Variants in NUDCD2 observed in about 807,000 individuals in gnomAD.
NUDCD2 encodes nudC domain-containing protein 2.
NUDCD2 carries 16 observed loss-of-function variants against 20.8 expected under a neutral mutation model. The ratio of observed to expected loss-of-function variants is 0.77; its 90% confidence interval spans 0.52 to 1.17. NUDCD2 has a LOEUF of 1.17. NUDCD2 is among the 50% of genes most tolerant of loss of function. NUDCD2 has a pLI of 0.00. For missense variants in NUDCD2, 199 were observed against 193.9 expected (o/e 1.03, Z -0.16); for synonymous variants, 87 against 72.8 (o/e 1.20, Z -1.00).
chr5:163,458,596 A>G (rs1174682775), intron 1 of NUDCD2, among the ~76,000 whole-genome samples: 2 of 151,714 alleles, frequency 1.3e-5, no homozygotes, highest in African/African-American at 4.9e-5. Context: ...CAATAAATAT[A>G]TATTTTTTTT....
intron 1 of NUDCD2, 61 bp downstream of exon 1, chr5:163,459,801 G>A: frequency 4.1e-6 from 6 of 1,461,036 alleles, no homozygotes; most frequent in Admixed American, 2.1e-5. Flanking sequence ...GTCGTTCAGG[G>A]AAACGGGGCT....
chr5:163,454,765 T>C (rs1157382101), intron 3 of NUDCD2, among the ~76,000 whole-genome samples: 2 of 152,232 alleles, frequency 1.3e-5, no homozygotes, highest in Admixed American at 1.3e-4. Context: ...GTCTTTTTGG[T>C]GGGCTATTTC....
In NUDCD2 at chr5:163,453,940, A is replaced by C. The variant is rs1758239251; in HGVS notation, c.*27T>G. ...GATTAAGTTGGCAATATCTGCTAGG[A>C]TCCACAGAATGCAGGAAAAAAAGCA... On this transcript the variant is annotated 3_prime_UTR_variant, in exon 4 of 4. Coordinates refer to ENST00000302764, the MANE Select transcript of NUDCD2 (RefSeq NM_145266.6). The C allele has an allele frequency of 7.6e-7, 1 of 1,323,716 alleles. No individual in the cohort carries two copies. The highest frequency in any genetic ancestry group is 1.0e-6 in the Non-Finnish European group (1 of 957,506). 82.0% of individuals were successfully genotyped at this position (1,323,716 alleles called of 1,614,324 possible). A position where few individuals can be genotyped will look rare whatever the true frequency, so the allele number is the denominator to read the frequency against.
Position 163,453,645 on chromosome 5 carries a change from C to G in NUDCD2, c.*322G>C, listed in dbSNP as rs1364145681. On this transcript the variant is annotated 3_prime_UTR_variant, in exon 4 of 4. Transcript: ENST00000302764. ...AAAAGTTAATTTTCCCCAAAGGCAC[C>G]CTTCATTTCACATGATCTATACTCT... 1 of 174,494 alleles carries G rather than the reference C, an allele frequency of 5.7e-6. No individual in the cohort carries two copies. Among genetic ancestry groups the G allele is most frequent in the East Asian group, 1.4e-4 (1 of 6,900 alleles). 10.8% of individuals were successfully genotyped at this position (174,494 alleles called of 1,614,324 possible).
At position 163,447,350 on chromosome 5, in the gene NUDCD2, C is replaced by A. The variant is rs1758061447; in HGVS notation, c.*6617G>T. The A allele has an allele frequency of 6.6e-6, 1 of 151,244 alleles. No individual in the cohort carries two copies. Among genetic ancestry groups the A allele is most frequent in the Admixed American group, 6.6e-5 (1 of 15,152 alleles). 9.4% of individuals were successfully genotyped at this position (151,244 alleles called of 1,614,324 possible). A position where few individuals can be genotyped will look rare whatever the true frequency, so the allele number is the denominator to read the frequency against. ...TCTGTAGTCCTAGGTACTGAGGAGC[C>A]TGAGGTGGGAAGACTGTCTGAGCCC... On this transcript the variant is annotated 3_prime_UTR_variant, in exon 4 of 4. Coordinates refer to ENST00000302764, the MANE Select transcript of NUDCD2 (RefSeq NM_145266.6).
At position 163,451,346 on chromosome 5, in the gene NUDCD2, G is replaced by A. The variant is rs1041528412; in HGVS notation, c.*2621C>T. 7.2e-5 allele frequency: 11 copies of A among 152,162 alleles called. No homozygotes were observed. Among genetic ancestry groups the A allele is most frequent in the African/African-American group, 2.4e-4 (10 of 41,444 alleles). 9.4% of individuals were successfully genotyped at this position (152,162 alleles called of 1,614,324 possible). A position where few individuals can be genotyped will look rare whatever the true frequency, so the allele number is the denominator to read the frequency against. On this transcript the variant is annotated 3_prime_UTR_variant, in exon 4 of 4. Transcript: ENST00000302764. ...ACATGCTTGAAGACAAAAATATGGA[G>A]ATGGGGATTAGATCAGTGGTTTCCA... is the stretch of plus-strand genomic sequence containing the variant.
intron 1 of NUDCD2, chr5:163,459,033 T>C (rs545949480): frequency 4.6e-5 from 7 of 152,348 alleles, no homozygotes; most frequent in African/African-American, 1.7e-4. Flanking sequence ...GTGAATACCA[T>C]GTTAAGCTCA....
intron 2 of NUDCD2, 145 bp downstream of exon 2, chr5:163,457,417 G>A: frequency 1.6e-6 from 1 of 612,122 alleles, no homozygotes; most frequent in East Asian, 2.8e-5. Flanking sequence ...CCCCCACTAG[G>A]TAACTTTGAC....
intron 3 of NUDCD2, among the ~76,000 whole-genome samples, chr5:163,454,486 C>T (rs889042576): frequency 7.9e-5 from 12 of 152,108 alleles, no homozygotes; most frequent in African/African-American, 2.2e-4. Flanking sequence ...CGATTACAGG[C>T]ATGTACCACC....
rs970508553 is a variant in NUDCD2, at chr5:163,446,589, G to T, written c.*7378C>A. On this transcript the variant is annotated 3_prime_UTR_variant, in exon 4 of 4. Coordinates refer to ENST00000302764, the MANE Select transcript of NUDCD2 (RefSeq NM_145266.6). ...ACATTAACTTCTGTGCTGTCATCAT[G>T]ATCATAGAATAATAACAACACTCAA... 3 of 152,148 alleles carry T rather than the reference G, an allele frequency of 2.0e-5. No homozygotes were observed. The highest frequency in any genetic ancestry group is 6.5e-5 in the Admixed American group (1 of 15,278). 9.4% of individuals were successfully genotyped at this position (152,148 alleles called of 1,614,324 possible).
In NUDCD2 at chr5:163,449,972, A is replaced by G. The variant is rs1758137789; in HGVS notation, c.*3995T>C. 6.6e-6 allele frequency: 1 copy of G among 152,308 alleles called. No homozygotes were observed. The highest frequency in any genetic ancestry group is 1.5e-5 in the Non-Finnish European group (1 of 68,024). 9.4% of individuals were successfully genotyped at this position (152,308 alleles called of 1,614,324 possible). ...AAATTTTTAGAAGAAAAAAATCCAT[A>G]GGCCGGGCACGGTGGCTCATGCCTG... On this transcript the variant is annotated 3_prime_UTR_variant, in exon 4 of 4. Transcript: ENST00000302764.
Position 163,459,861 on chromosome 5 carries a change from C to T in NUDCD2, c.189+1G>A, listed in dbSNP as rs1229515941. ...GAACACAAGCCCCGAGCTGCCGCTA[C>T]CTTGAGGATCTCGCGGCCGCCCACC... On this transcript the variant is annotated splice_donor_variant, in intron 1 of 3. Transcript: ENST00000302764. LOFTEE classifies it high-confidence loss of function. 3 of 1,599,962 alleles carry T rather than the reference C, an allele frequency of 1.9e-6. No homozygotes were observed. The highest frequency in any genetic ancestry group is 2.6e-6 in the Non-Finnish European group (3 of 1,173,540).
intron 1 of NUDCD2, 73 bp from the exon 2 acceptor site, chr5:163,457,683 C>T: frequency 2.2e-6 from 2 of 925,314 alleles, no homozygotes; most frequent in Non-Finnish European, 3.6e-6. Context: ...TTAAGATTTA[C>T]CTACTTTCCT....
chr5:163,457,131 A>C, intron 2 of NUDCD2, 51 bp from the exon 3 acceptor site: 1 of 1,496,536 alleles, frequency 6.7e-7, no homozygotes, highest in South Asian at 1.3e-5. Flanking sequence ...AGAGTTCTTC[A>C]TCAAGTTGTT....
chr5:163,448,130 C>G lies in NUDCD2; in HGVS notation c.*5837G>C, dbSNP rs71597997. ...GCTATGATCATAACACTACTCCAGT[C>G]TGGGTGATGAAGTGAGACCTGTCTA... On this transcript the variant is annotated 3_prime_UTR_variant, in exon 4 of 4. Coordinates refer to ENST00000302764, the MANE Select transcript of NUDCD2 (RefSeq NM_145266.6). 3 of 150,672 alleles carry G rather than the reference C, an allele frequency of 2.0e-5. 1 individual carries two copies. Among genetic ancestry groups the G allele is most frequent in the African/African-American group, 7.3e-5 (3 of 40,988 alleles). 9.3% of individuals were successfully genotyped at this position (150,672 alleles called of 1,614,324 possible). A position where few individuals can be genotyped will look rare whatever the true frequency, so the allele number is the denominator to read the frequency against.
intron 3 of NUDCD2, among the ~76,000 whole-genome samples, chr5:163,454,793 T>C (rs1264779215): frequency 2.6e-5 from 4 of 152,232 alleles, no homozygotes; most frequent in Non-Finnish European, 4.4e-5. Flanking sequence ...CAACAAACAT[T>C]TGTTGAGCTC....
rs1369771100 is a variant in NUDCD2, at chr5:163,453,974, T to G, written c.467A>C (p.Glu156Ala). Residue 156 changes from glutamate (E) to alanine (A), a missense_variant, in exon 4 of 4, where the codon GAG becomes GCG. Physicochemically the swap from Glu to Ala is moderately radical, Grantham distance 107. Coordinates refer to ENST00000302764, the MANE Select transcript of NUDCD2 (RefSeq NM_145266.6). ...ATGCAGGAAAAAAAGCAGTTATTTC[T>G]CAAGGTTTGAGAAATCTGGTCCACC... ...TKGGPDFSNL[E>A]K 3.3e-6 allele frequency: 5 copies of G among 1,529,078 alleles called. No homozygotes were observed. Among genetic ancestry groups the G allele is most frequent in the Non-Finnish European group, 4.4e-6 (5 of 1,131,992 alleles). The allele number at this position is 1,529,078 out of a possible 1,614,324, so 94.7% of individuals were successfully genotyped here. A position where few individuals can be genotyped will look rare whatever the true frequency, so the allele number is the denominator to read the frequency against.
chr5:163,459,760 C>G (rs1171295882), intron 1 of NUDCD2, 102 bp downstream of exon 1: 2 of 1,038,172 alleles, frequency 1.9e-6, no homozygotes, highest in East Asian at 5.0e-5. Context: ...TCTCTTTCTG[C>G]CAGCCACAGG....
Position 163,454,389 on chromosome 5 carries a change from G to A in NUDCD2, c.391-339C>T, listed in dbSNP as rs553549245. On this transcript the variant is annotated intron_variant, in intron 3 of 3. Coordinates refer to ENST00000302764, the MANE Select transcript of NUDCD2 (RefSeq NM_145266.6). The stretch of plus-strand genomic sequence containing the variant: ...GGAGTTTCGCTCTTGTTGCCCAGGC[G>A]GGAGTGCAATGGTGCGACCTCAGCT... Among the ~76,000 whole-genome samples the A allele has an allele frequency of 1.4e-4, 22 of 151,960 alleles. 1 individual carries two copies. Among genetic ancestry groups the A allele is most frequent in the African/African-American group, 4.6e-4 (19 of 41,436 alleles).
Sources: allele counts gnomAD v4.1 joint callset (sites outside exome capture counted in the v4.1 genomes callset), GRCh38; gene constraint gnomAD v4.1.1; transcripts MANE v1.5; gene names NCBI Gene and HGNC (gene_info 2026-07-23, HGNC 2026-07-21).